The following SLC36A1 variants were observed in gnomAD, a reference collection of about 807,000 sequenced individuals.
The protein encoded by SLC36A1 is solute carrier family 36 member 1, also known as proton-coupled amino acid transporter 1.
A neutral mutation model predicts 47.5 loss-of-function variants in SLC36A1; 30 were observed. The observed-to-expected ratio is 0.63, with a 90% CI of 0.47 to 0.86. The LOEUF (loss-of-function observed/expected upper bound fraction) is 0.86, where lower values mean the gene tolerates loss of function less well. Among genes scored for constraint, SLC36A1 ranks in the 40% least tolerant of loss-of-function variants. The pLI, the probability that SLC36A1 is intolerant of heterozygous loss-of-function variation, is 0.00. For missense variants in SLC36A1, 517 were observed against 606.0 expected, an observed-to-expected ratio of 0.85 and a Z score of 1.54; for synonymous variants, 255 against 249.7, an observed-to-expected ratio of 1.02 and a Z score of -0.20.
intron 1 of SLC36A1, 56 bp from the exon 2 acceptor site, chr5:151,458,732 T>G: frequency 6.4e-7 from 1 of 1,573,518 alleles, no homozygotes; most frequent in Non-Finnish European, 8.7e-7. Context: ...CCACCCCAAA[T>G]ATGGAGCTAA....
chr5:151,345,780 C>G, the SLC36A1 span, among the ~76,000 whole-genome samples: 5 of 152,300 alleles, frequency 3.3e-5, no homozygotes, highest in South Asian at 1.0e-3. Context: ...ATGCAAAGCA[C>G]CAAACTGGGA....
At chr5:151,525,810 G>A in the SLC36A1 span, 3 of 1,614,104 alleles carry the variant, frequency 1.9e-6, no homozygotes, top group South Asian at 2.2e-5. Context: ...TCCTGCTTAG[G>A]CCCTCAGCAG....
chr5:151,469,292 A>G (rs1237822492), intron 7 of SLC36A1: 12 of 689,216 alleles, frequency 1.7e-5, no homozygotes, highest in East Asian at 1.1e-4. Flanking sequence ...TGAGAAATAC[A>G]TTGAAATATA....
the SLC36A1 span, chr5:151,527,092 A>G: frequency 2.5e-6 from 2 of 795,824 alleles, no homozygotes; most frequent in Non-Finnish European, 4.1e-6. Flanking sequence ...AATGCCCTCC[A>G]GCAGTCTGTG....
chr5:151,461,611 T>C (rs1290443744), intron 2 of SLC36A1, among the ~76,000 whole-genome samples: 1 of 152,236 alleles, frequency 6.6e-6, no homozygotes, highest in Non-Finnish European at 1.5e-5. Context: ...TAAGATGTTA[T>C]CTGCTTTTTC....
At chr5:151,529,529 C>A in the SLC36A1 span, 2 of 661,066 alleles carry the variant, frequency 3.0e-6, no homozygotes, top group East Asian at 2.7e-5. Flanking sequence ...ATCTCCCCAT[C>A]CATCTCCCTT....
chr5:151,364,971 A>C, the SLC36A1 span, among the ~76,000 whole-genome samples: 3 of 152,318 alleles, frequency 2.0e-5, no homozygotes, highest in East Asian at 3.9e-4. Flanking sequence ...CCAAGGGCTC[A>C]TGAACCCTTG....
At chr5:151,382,962 C>T in the SLC36A1 span, among the ~76,000 whole-genome samples, 3 of 152,142 alleles carry the variant, frequency 2.0e-5, no homozygotes, top group Non-Finnish European at 2.9e-5. Flanking sequence ...TATCTGAAAA[C>T]AGCATTAAAG....
the SLC36A1 span, chr5:151,543,083 C>T: frequency 1.2e-6 from 2 of 1,614,032 alleles, no homozygotes; most frequent in Admixed American, 3.3e-5. Flanking sequence ...TTTTTAGGAA[C>T]CACCTGAAGT....
intron 1 of SLC36A1, among the ~76,000 whole-genome samples, chr5:151,448,308 C>A (rs1471796089): frequency 6.6e-6 from 1 of 152,236 alleles, no homozygotes; most frequent in East Asian, 1.9e-4. Context: ...TCCTAAGCTT[C>A]AGCAGCTGTT....
At chr5:151,354,858 C>T in the SLC36A1 span, among the ~76,000 whole-genome samples, 82,822 of 151,894 alleles carry the variant, frequency 0.55, 25,737 homozygotes, top group African/African-American at 0.87. Context: ...ACTATATATA[C>T]GGGGGGTGGC....
the SLC36A1 span, among the ~76,000 whole-genome samples, chr5:151,428,261 G>T: frequency 6.6e-6 from 1 of 152,166 alleles, no homozygotes; most frequent in Non-Finnish European, 1.5e-5. Context: ...AGGAGGCAGG[G>T]GTGTACAGGA....
At chr5:151,381,836 G>T in the SLC36A1 span, 5 of 189,442 alleles carry the variant, frequency 2.6e-5, 1 homozygote, top group South Asian at 6.3e-4. Flanking sequence ...GCCCCTAAAT[G>T]CCTGGGGAGA....
chr5:151,505,601 C>T, the SLC36A1 span: 3 of 1,614,210 alleles, frequency 1.9e-6, no homozygotes, highest in Non-Finnish European at 2.5e-6. Flanking sequence ...CATAATCACT[C>T]TCCACCATGT....
chr5:151,544,991 G>T, the SLC36A1 span: 1 of 1,614,132 alleles, frequency 6.2e-7, no homozygotes, highest in African/African-American at 1.3e-5. Context: ...TGAGGTGTCC[G>T]ATTGTCCCTC....
the SLC36A1 span, chr5:151,542,669 T>C: frequency 6.2e-7 from 1 of 1,614,076 alleles, no homozygotes; most frequent in Non-Finnish European, 8.5e-7. Flanking sequence ...TCAATGGCAG[T>C]CACTTGAATG....
At chr5:151,416,177 CT>C in the SLC36A1 span, among the ~76,000 whole-genome samples, 1 of 152,174 alleles carries the variant, frequency 6.6e-6, no homozygotes, top group Non-Finnish European at 1.5e-5. Flanking sequence ...CACATGCTGC[CT>C]GGCATCCCCT....
chr5:151,446,297 C>T (rs1752913681), upstream of SLC36A1, among the ~76,000 whole-genome samples: 1 of 152,130 alleles, frequency 6.6e-6, no homozygotes, highest in Non-Finnish European at 1.5e-5. Context: ...TTTGGGAGGC[C>T]GAGGTGGGCA....
At chr5:151,544,035 A>G in the SLC36A1 span, 2 of 1,614,198 alleles carry the variant, frequency 1.2e-6, no homozygotes, top group Non-Finnish European at 1.7e-6. Context: ...TGACAACCAC[A>G]AGGGTTTCAC....
Sources: allele counts gnomAD v4.1 joint callset (sites outside exome capture counted in the v4.1 genomes callset), GRCh38; gene constraint gnomAD v4.1.1; transcripts MANE v1.5; gene names NCBI Gene and HGNC (gene_info 2026-07-23, HGNC 2026-07-21).